SHISA9: variants seen among roughly 807,000 people sequenced by gnomAD.
SHISA9 encodes shisa family member 9, also known as protein shisa-9.
In SHISA9, 13 loss-of-function variants were observed where a neutral mutation model predicts 38.0. The observed-to-expected ratio is 0.34, with a 90% confidence interval of 0.22 to 0.54. The LOEUF is 0.54. Ranked by LOEUF, SHISA9 falls within the 20% of genes least tolerant of loss-of-function variation. SHISA9 has a pLI of 0.91. For missense variants in SHISA9, 538 were observed against 575.8 expected, an observed-to-expected ratio of 0.93 and a Z score of 0.67; for synonymous variants, 275 against 242.0, an observed-to-expected ratio of 1.14 and a Z score of -1.27.
At chr16:13,157,018 T>C (rs1442632618) in intron 2 of SHISA9, among the ~76,000 whole-genome samples, 3 of 152,234 alleles carry the variant, frequency 2.0e-5, no homozygotes, top group East Asian at 1.9e-4. Context: ...TTTTCAAGTA[T>C]GCATCAGAGG....
rs781120776 is a variant in SHISA9 at position 12,970,469 on chromosome 16, G to GTATA, written c.691+53680_691+53683dup. Among the ~76,000 whole-genome samples the GTATA allele has an allele frequency of 8.9e-3, 213 of 24,020 alleles. 5 individuals carry two copies. The highest frequency in any genetic ancestry group is 0.015 in the African/African-American group (88 of 5,712). 15.8% of individuals were successfully genotyped at this position (24,020 alleles called of 152,430 possible). ...CATATATATATACATATATGTGTGT[G>GTATA]TATATATATATATATATATATATAT... is the stretch of plus-strand genomic sequence containing the variant. On this transcript the variant is annotated intron_variant, in intron 2 of 4. Transcript: ENST00000558583.
chr16:13,532,539 T>G, the SHISA9 span, among the ~76,000 whole-genome samples: 3 of 134,154 alleles, frequency 2.2e-5, no homozygotes, highest in Non-Finnish European at 3.1e-5. Flanking sequence ...GATGGAATAA[T>G]ACTATGTGCG....
chr16:13,354,176 A>C, the SHISA9 span, among the ~76,000 whole-genome samples: 4 of 148,046 alleles, frequency 2.7e-5, no homozygotes, highest in African/African-American at 1.0e-4. Flanking sequence ...GTAGAATAGC[A>C]GATGGAACAC....
chr16:12,965,549 A>G (rs1439706955), intron 2 of SHISA9, among the ~76,000 whole-genome samples: 2 of 152,120 alleles, frequency 1.3e-5, no homozygotes, highest in African/African-American at 4.8e-5. Flanking sequence ...AGATGAACAA[A>G]CCCTGAATTA....
the SHISA9 span, among the ~76,000 whole-genome samples, chr16:13,544,421 T>TTTTC: frequency 8.3e-6 from 1 of 120,092 alleles, no homozygotes; most frequent in African/African-American, 3.4e-5. Context: ...CGGGTTTTTT[T>TTTTC]TTTTCTTGTT....
chr16:13,357,150 T>C, the SHISA9 span, among the ~76,000 whole-genome samples: 1 of 151,714 alleles, frequency 6.6e-6, no homozygotes, highest in Non-Finnish European at 1.5e-5. Flanking sequence ...AAATAAGGGA[T>C]TGGGGCACAG....
chr16:13,166,009 C>A (rs1422241467), intron 2 of SHISA9, among the ~76,000 whole-genome samples: 2 of 152,142 alleles, frequency 1.3e-5, no homozygotes, highest in African/African-American at 2.4e-5. Flanking sequence ...ACTGAATTCT[C>A]CATGGGAAGC....
chr16:12,907,412 T>G (rs887712386), intron 1 of SHISA9, among the ~76,000 whole-genome samples: 4 of 150,644 alleles, frequency 2.7e-5, no homozygotes, highest in Non-Finnish European at 5.9e-5. Flanking sequence ...CCTCCCTTTC[T>G]TCTTTCTTTC....
At chr16:13,308,641 G>C in the SHISA9 span, among the ~76,000 whole-genome samples, 3 of 152,134 alleles carry the variant, frequency 2.0e-5, no homozygotes, top group Non-Finnish European at 4.4e-5. Flanking sequence ...TTCATGATGG[G>C]GGACAAGGTG....
the SHISA9 span, among the ~76,000 whole-genome samples, chr16:13,335,727 C>T: frequency 6.6e-6 from 1 of 152,062 alleles, no homozygotes. Flanking sequence ...CTTTGATGCT[C>T]TGTGTCTTTG....
At chr16:13,440,129 A>G in the SHISA9 span, among the ~76,000 whole-genome samples, 1 of 152,182 alleles carries the variant, frequency 6.6e-6, no homozygotes, top group Non-Finnish European at 1.5e-5. Context: ...ACGCAGTCAA[A>G]TGCCCCCACA....
chr16:13,071,782 C>A (rs1437276709), intron 2 of SHISA9, among the ~76,000 whole-genome samples: 1 of 151,986 alleles, frequency 6.6e-6, no homozygotes, highest in Non-Finnish European at 1.5e-5. Flanking sequence ...GGACTACAGG[C>A]ATGCACCACC....
the SHISA9 span, among the ~76,000 whole-genome samples, chr16:13,280,910 C>A: frequency 6.6e-6 from 1 of 151,780 alleles, no homozygotes; most frequent in Non-Finnish European, 1.5e-5. Flanking sequence ...AAGAATGCAA[C>A]AAGCAGTGAA....
intron 2 of SHISA9, among the ~76,000 whole-genome samples, chr16:13,085,162 T>C (rs148657013): frequency 2.0e-5 from 3 of 152,318 alleles, no homozygotes; most frequent in African/African-American, 7.2e-5. Flanking sequence ...ACTGGCAGCA[T>C]TGCAGACTCA....
chr16:13,365,015 C>T, the SHISA9 span, among the ~76,000 whole-genome samples: 894 of 152,154 alleles, frequency 5.9e-3, 13 homozygotes, highest in African/African-American at 0.021. Context: ...CTAGGGACAC[C>T]ACAAGTCTTC....
chr16:13,313,540 A>C, the SHISA9 span, among the ~76,000 whole-genome samples: 1 of 152,204 alleles, frequency 6.6e-6, no homozygotes, highest in Non-Finnish European at 1.5e-5. Flanking sequence ...ATGCTTAAAA[A>C]GTGGTTCCCA....
chr16:13,512,675 A>G, the SHISA9 span, among the ~76,000 whole-genome samples: 3 of 152,176 alleles, frequency 2.0e-5, no homozygotes, highest in Non-Finnish European at 4.4e-5. Flanking sequence ...AGACCAGTGG[A>G]ACAGAACAGA....
the SHISA9 span, among the ~76,000 whole-genome samples, chr16:13,466,842 C>G: frequency 6.6e-6 from 1 of 152,100 alleles, no homozygotes; most frequent in Non-Finnish European, 1.5e-5. Flanking sequence ...TGTATCAGCA[C>G]TTAAGCATTG....
the SHISA9 span, among the ~76,000 whole-genome samples, chr16:13,525,453 C>T: frequency 6.6e-6 from 1 of 152,174 alleles, no homozygotes; most frequent in African/African-American, 2.4e-5. Context: ...ATCTCAAACC[C>T]TCAATTTCCT....
Sources: gnomAD v4.1 joint callset for allele counts (sites outside exome capture counted in the v4.1 genomes callset) on GRCh38, gnomAD v4.1.1 for gene constraint, MANE v1.5 for transcripts, NCBI Gene and HGNC (gene_info 2026-07-23, HGNC 2026-07-21) for gene names.